CAMTA1: variants seen among roughly 807,000 people sequenced by gnomAD.
CAMTA1 encodes calmodulin binding transcription activator 1.
In CAMTA1, 27 loss-of-function variants were observed where a neutral mutation model predicts 170.9. That is an observed-to-expected ratio of 0.16 (90% CI 0.12 to 0.22). The LOEUF is 0.22. CAMTA1 is among the 10% of genes least tolerant of loss of function. The pLI is 1.00. For missense variants in CAMTA1, 1,619 were observed against 2,217.2 expected, an observed-to-expected ratio of 0.73 and a Z score of 5.42; for synonymous variants, 833 against 891.5, an observed-to-expected ratio of 0.93 and a Z score of 1.17.
At chr1:7,686,514 G>A (rs1482713045) in intron 11 of CAMTA1, among the ~76,000 whole-genome samples, 2 of 151,920 alleles carry the variant, frequency 1.3e-5, no homozygotes, top group Non-Finnish European at 2.9e-5. Context: ...AGGTGGAGGG[G>A]GTTGCGGGGA....
chr1:7,670,124 C>T (rs1222453060), intron 9 of CAMTA1, among the ~76,000 whole-genome samples: 1 of 152,178 alleles, frequency 6.6e-6, no homozygotes, highest in Non-Finnish European at 1.5e-5. Flanking sequence ...CGAGGCTGCT[C>T]CCAGCCAGGC....
intron 4 of CAMTA1, among the ~76,000 whole-genome samples, chr1:7,154,190 C>T (rs1357633449): frequency 1.3e-5 from 2 of 152,168 alleles, no homozygotes; most frequent in East Asian, 3.9e-4. Context: ...GGGATCCACC[C>T]ACTTTATAGT....
In CAMTA1 at chr1:7,368,091, T is replaced by C. The variant is rs7525387; in HGVS notation, c.439-99739T>C. Among the ~76,000 whole-genome samples, 678 of 150,914 alleles carry C rather than the reference T, an allele frequency of 4.5e-3. 4 individuals carry two copies. The highest frequency in any genetic ancestry group is 0.014 in the African/African-American group (588 of 40,794). On this transcript the variant is annotated intron_variant, in intron 5 of 22. Transcript: ENST00000303635. ...AGACATTGGGCACTCATGGTTTCAC[T>C]GGGCGCAGGCACTGGGCACTTATGG...
intron 9 of CAMTA1, among the ~76,000 whole-genome samples, chr1:7,666,638 G>A (rs934258213): frequency 1.3e-5 from 2 of 152,186 alleles, no homozygotes; most frequent in African/African-American, 4.8e-5. Context: ...CATGCACCAC[G>A]GGCCCTGATT....
intron 22 of CAMTA1, among the ~76,000 whole-genome samples, chr1:7,758,702 G>A (rs568891300): frequency 2.6e-5 from 4 of 152,094 alleles, no homozygotes; most frequent in Admixed American, 2.0e-4. Flanking sequence ...TTGGGAGGCC[G>A]AGGCGGGCGG....
intron 3 of CAMTA1, among the ~76,000 whole-genome samples, chr1:6,832,039 T>C (rs570379989): frequency 9.9e-5 from 15 of 151,990 alleles, no homozygotes; most frequent in Non-Finnish European, 1.8e-4. Flanking sequence ...AATTATTAAA[T>C]AATAATTAAT....
intron 7 of CAMTA1, among the ~76,000 whole-genome samples, chr1:7,655,569 C>T (rs1473344871): frequency 6.7e-6 from 1 of 148,346 alleles, no homozygotes; most frequent in Non-Finnish European, 1.5e-5. Flanking sequence ...CACAAACACA[C>T]CCACCTACAC....
chr1:7,524,889 C>T (rs2094412498), intron 6 of CAMTA1, among the ~76,000 whole-genome samples: 2 of 152,240 alleles, frequency 1.3e-5, no homozygotes, highest in South Asian at 4.1e-4. Context: ...AGCCTTCTGT[C>T]CTGTGCCATG....
At chr1:7,082,490 T>TAGATAGATAGCA (rs1572908990) in intron 3 of CAMTA1, among the ~76,000 whole-genome samples, 1 of 151,314 alleles carries the variant, frequency 6.6e-6, no homozygotes, top group Non-Finnish European at 1.5e-5. Context: ...GATAGATAGA[T>TAGATAGATAGCA]AGCACAGCTC....
At chr1:7,078,566 T>C (rs1327541713) in intron 3 of CAMTA1, among the ~76,000 whole-genome samples, 2 of 152,218 alleles carry the variant, frequency 1.3e-5, no homozygotes, top group Admixed American at 6.5e-5. Flanking sequence ...CATTGAAAGA[T>C]TGCTGACCTC....
intron 4 of CAMTA1, among the ~76,000 whole-genome samples, chr1:7,091,641 A>G (rs1003707279): frequency 6.6e-6 from 1 of 152,256 alleles, no homozygotes; most frequent in Admixed American, 6.5e-5. Context: ...GGAAGGCTTC[A>G]CAGGCAGGAG....
intron 11 of CAMTA1, among the ~76,000 whole-genome samples, chr1:7,726,627 G>A (rs1172682644): frequency 6.6e-6 from 1 of 152,204 alleles, no homozygotes; most frequent in African/African-American, 2.4e-5. Flanking sequence ...TCTTCAACAG[G>A]AGGCCAGCCT....
intron 6 of CAMTA1, among the ~76,000 whole-genome samples, chr1:7,594,138 A>AGAAAGAAAGAAAGAAAGAAAGAAG (rs1491346440): frequency 6.7e-6 from 1 of 149,408 alleles, no homozygotes; most frequent in Non-Finnish European, 1.5e-5. Context: ...AAAGAAAGAA[A>AGAAAGAAAGAAAGAAAGAAAGAAG]GAAGGAAGGA....
chr1:7,101,632 G>C, intron 4 of CAMTA1, among the ~76,000 whole-genome samples: 1 of 152,366 alleles, frequency 6.6e-6, no homozygotes, highest in Non-Finnish European at 1.5e-5. Context: ...TTTGCGTTGT[G>C]TGTGTGAGCT....
chr1:7,145,869 C>T lies in CAMTA1; in HGVS notation c.302+54498C>T, dbSNP rs557414644. The stretch of plus-strand genomic sequence containing the variant: ...GAGTGGGCTGAGGGGATCTTGGGTA[C>T]GGGGTTTTAAAAAACGTAATCCTGG... On this transcript the variant is annotated intron_variant, in intron 4 of 22. Coordinates refer to ENST00000303635, the MANE Select transcript of CAMTA1 (RefSeq NM_015215.4). 3.3e-5 allele frequency among the ~76,000 whole-genome samples: 5 copies of T among 152,196 alleles called. No homozygotes were observed. In the East Asian group the frequency reaches 5.8e-4, roughly 18 times the overall value.
chr1:7,417,099 T>C (rs1218749773), intron 5 of CAMTA1, among the ~76,000 whole-genome samples: 1 of 152,236 alleles, frequency 6.6e-6, no homozygotes, highest in Non-Finnish European at 1.5e-5. Flanking sequence ...CAGATTTTCG[T>C]GAACCGCAAA....
intron 5 of CAMTA1, among the ~76,000 whole-genome samples, chr1:7,259,418 G>T (rs1159723235): frequency 6.6e-6 from 1 of 152,084 alleles, no homozygotes; most frequent in Non-Finnish European, 1.5e-5. Flanking sequence ...TCACCCAGGG[G>T]GTATTAGAAG....
intron 4 of CAMTA1, among the ~76,000 whole-genome samples, chr1:7,176,124 T>C (rs1483442218): frequency 6.6e-6 from 1 of 152,220 alleles, no homozygotes; most frequent in Non-Finnish European, 1.5e-5. Context: ...CGGGGATAGA[T>C]ACCTCTTGAT....
At position 7,737,499 on chromosome 1, in the gene CAMTA1, A is replaced by G; in HGVS notation, c.3587A>G (p.Gln1196Arg). 6.2e-7 allele frequency: 1 copy of G among 1,614,176 alleles called. No individual in the cohort carries two copies. Among genetic ancestry groups the G allele is most frequent in the South Asian group, 1.1e-5 (1 of 91,088 alleles). ...CCCAGCACAGAGAGCTGGATGGCCCAGTGGCACAGCGAAGCCATCAGCTCT... is the reference window on the plus strand; with the variant it reads ...CCCAGCACAGAGAGCTGGATGGCCCGGTGGCACAGCGAAGCCATCAGCTCT... Reference protein sequence around the residue: ...EEPSTESWMAQWHSEAISSPE... With the variant: ...EEPSTESWMARWHSEAISSPE... Residue 1196 changes from glutamine to arginine, a missense_variant, in exon 15 of 23, where the codon CAG (glutamine) becomes CGG (arginine). Around this residue, in one of 8 missense-constraint regions of CAMTA1, gnomAD observed 370 missense variants for 429.4 expected, o/e 0.86. Transcript: ENST00000303635.
Sources: gnomAD v4.1 joint callset for allele counts (sites outside exome capture counted in the v4.1 genomes callset) on GRCh38, gnomAD v4.1.1 for gene constraint, gnomAD v4.1.1 regional missense constraint, MANE v1.5 for transcripts, NCBI Gene and HGNC (gene_info 2026-07-23, HGNC 2026-07-21) for gene names.